Variants in EEA1 observed in about 807,000 individuals in gnomAD.
EEA1 encodes the protein early endosome antigen 1, 162kD.
In EEA1, 111 loss-of-function variants were observed where a neutral mutation model predicts 209.2. The ratio of observed to expected loss-of-function variants is 0.53; its 90% CI spans 0.45 to 0.62. EEA1 has a LOEUF of 0.62. Ranked by LOEUF, EEA1 falls within the 20% of genes least tolerant of loss-of-function variation. The pLI, the probability that EEA1 is intolerant of heterozygous loss-of-function variation, is 0.00. For synonymous variants in EEA1, 536 were observed against 540.6 expected, an observed-to-expected ratio of 0.99 and a Z score of 0.12; for missense variants, 1,343 against 1,530.8, an observed-to-expected ratio of 0.88 and a Z score of 2.05.
In EEA1 at chr12:92,842,360, AT is replaced by A. The variant is rs1321551673; in HGVS notation, c.915+104del. The stretch of plus-strand genomic sequence containing the variant: ...ACATATTAAACACTAAAAAAAAAAA[AT>A]AAGTCACATTGTACTATGCCAATAT... On this transcript the variant is annotated intron_variant, in intron 10 of 28. Transcript: ENST00000322349. The A allele has an allele frequency of 8.2e-4, 487 of 592,554 alleles. 4 individuals carry two copies. The highest frequency in any genetic ancestry group is 2.0e-3 in the Admixed American group (58 of 28,508). The allele number at this position is 592,554 out of a possible 1,614,324, so 36.7% of individuals were successfully genotyped here.
rs552422718 is a variant in EEA1 at position 92,880,314 on chromosome 12, T to C, written c.117+11315A>G. ...ATAAAAAGACAATCCAATGTTTTTG[T>C]TTTTTTTTGAGTTGTGGTCTCACTC... On this transcript the variant is annotated intron_variant, in intron 2 of 28. Transcript: ENST00000322349. Among the ~76,000 whole-genome samples, 6 of 151,102 alleles carry C rather than the reference T, an allele frequency of 4.0e-5. No individual in the cohort carries two copies. In the South Asian group the frequency reaches 1.1e-3, roughly 27 times the overall value.
chr12:92,914,665 A>ATTTTTTT (rs1275187896), intron 1 of EEA1, among the ~76,000 whole-genome samples: 2 of 141,010 alleles, frequency 1.4e-5, no homozygotes, highest in African/African-American at 5.2e-5. Flanking sequence ...TGTCTCTACA[A>ATTTTTTT]TTTTTTTTTT....
chr12:92,883,974 G>A (rs1482533677), intron 2 of EEA1: 3 of 1,423,970 alleles, frequency 2.1e-6, no homozygotes, highest in Non-Finnish European at 2.9e-6. Flanking sequence ...CTGTGGAGGA[G>A]GTGGATGCAG....
chr12:92,842,146 T>C (rs1877194843), intron 10 of EEA1, among the ~76,000 whole-genome samples: 1 of 152,114 alleles, frequency 6.6e-6, no homozygotes, highest in Non-Finnish European at 1.5e-5. Flanking sequence ...AAAAACAACA[T>C]TTTTAAAAGA....
intron 11 of EEA1, among the ~76,000 whole-genome samples, chr12:92,830,314 C>T (rs1240646112): frequency 6.6e-6 from 1 of 152,038 alleles, no homozygotes; most frequent in Admixed American, 6.6e-5. Context: ...TCGATCCTCA[C>T]CCTCCTCCCA....
chr12:92,903,326 G>A (rs756155282), intron 1 of EEA1, among the ~76,000 whole-genome samples: 5 of 151,768 alleles, frequency 3.3e-5, no homozygotes, highest in Admixed American at 1.3e-4. Flanking sequence ...AGTCGGAAGC[G>A]GTAGCTCACG....
intron 13 of EEA1, among the ~76,000 whole-genome samples, chr12:92,820,872 C>T (rs1603820): frequency 0.35 from 52,756 of 151,846 alleles, 10,797 homozygotes; most frequent in East Asian, 0.88. Context: ...TCCCTCACCC[C>T]TCACCCTGCC....
chr12:92,816,446 CA>C, intron 14 of EEA1, 46 bp from the exon 15 acceptor site: 1 of 1,553,476 alleles, frequency 6.4e-7, no homozygotes, highest in Non-Finnish European at 8.8e-7. Context: ...AATGACATAA[CA>C]AAAATTCAGA....
intron 1 of EEA1, among the ~76,000 whole-genome samples, chr12:92,898,709 C>CT (rs1038361396): frequency 5.2e-4 from 35 of 67,870 alleles, no homozygotes; most frequent in East Asian, 1.4e-3. Flanking sequence ...ACTATGTCTT[C>CT]TTTTTTTTTT....
At chr12:92,916,642 GA>G (rs1205166645) in intron 1 of EEA1, among the ~76,000 whole-genome samples, 1 of 105,046 alleles carries the variant, frequency 9.5e-6, no homozygotes, top group Non-Finnish European at 2.0e-5. Context: ...CAAAGATGGG[GA>G]AAAAACAGAA....
In EEA1 at chr12:92,773,585, G is replaced by C. The variant is rs1183630580; in HGVS notation, c.*2426C>G. The C allele has an allele frequency of 2.0e-5, 3 of 151,662 alleles. No individual in the cohort carries two copies. Among genetic ancestry groups the C allele is most frequent in the Non-Finnish European group, 3.0e-5 (2 of 67,618 alleles). The allele number at this position is 151,662 out of a possible 1,614,324, so 9.4% of individuals were successfully genotyped here. On this transcript the variant is annotated 3_prime_UTR_variant, in exon 29 of 29. Coordinates refer to ENST00000322349, the MANE Select transcript of EEA1 (RefSeq NM_003566.4). ...TAATTTTAACTCACATTCTGTGCCGGGGTTTGGAATTTACTAACATTATGT... is the reference window on the plus strand; with the variant it reads ...TAATTTTAACTCACATTCTGTGCCGCGGTTTGGAATTTACTAACATTATGT...
chr12:92,813,652 T>C (rs764317256), intron 15 of EEA1, among the ~76,000 whole-genome samples: 1 of 152,194 alleles, frequency 6.6e-6, no homozygotes, highest in Non-Finnish European at 1.5e-5. Context: ...CAAAAAGATC[T>C]ATCTTGTTAT....
intron 1 of EEA1, 126 bp downstream of exon 1, chr12:92,928,917 G>A (rs1881317334): frequency 2.1e-6 from 2 of 958,256 alleles, no homozygotes; most frequent in Non-Finnish European, 3.0e-6. Flanking sequence ...CGAGGCCTAA[G>A]CGCCTGCCGG....
At chr12:92,912,820 C>G (rs2136778442) in intron 1 of EEA1, among the ~76,000 whole-genome samples, 1 of 152,274 alleles carries the variant, frequency 6.6e-6, no homozygotes, top group Non-Finnish European at 1.5e-5. Flanking sequence ...TGAGTGATTT[C>G]ACTTAGGATA....
intron 13 of EEA1, among the ~76,000 whole-genome samples, chr12:92,825,478 G>T (rs1475649999): frequency 6.6e-6 from 1 of 150,512 alleles, no homozygotes; most frequent in Non-Finnish European, 1.5e-5. Context: ...AAAAAAGAAT[G>T]AATTAAAAAA....
rs529922663 is a variant in EEA1, at chr12:92,857,033, A to C, written c.366+242T>G. 5.9e-5 allele frequency among the ~76,000 whole-genome samples: 9 copies of C among 152,094 alleles called. No homozygotes were observed. The South Asian group carries it at 1.9e-3, about 32-fold the overall frequency. Reference sequence around the variant, plus strand: ...GCAACTCTCTCGCCTCAGCCTCCCAAAGTGCTGGGATTACAGGCGTGGGCC... The same window carrying C: ...GCAACTCTCTCGCCTCAGCCTCCCACAGTGCTGGGATTACAGGCGTGGGCC... On this transcript the variant is annotated intron_variant, in intron 5 of 28. Coordinates refer to ENST00000322349, the MANE Select transcript of EEA1 (RefSeq NM_003566.4).
chr12:92,903,499 G>A (rs1880240327), intron 1 of EEA1, among the ~76,000 whole-genome samples: 1 of 151,722 alleles, frequency 6.6e-6, no homozygotes, highest in Admixed American at 6.6e-5. Flanking sequence ...TCGAGAGGCT[G>A]AGGCAGGAGA....
chr12:92,902,525 G>A (rs1022047725), intron 1 of EEA1, among the ~76,000 whole-genome samples: 4 of 152,146 alleles, frequency 2.6e-5, no homozygotes, highest in Non-Finnish European at 5.9e-5. Flanking sequence ...GGCATAACAC[G>A]AGGTCAGGAG....
At chr12:92,921,866 C>CAAA (rs756583756) in intron 1 of EEA1, among the ~76,000 whole-genome samples, 3 of 83,444 alleles carry the variant, frequency 3.6e-5, no homozygotes, top group South Asian at 4.4e-4. Flanking sequence ...GACTCTGTCT[C>CAAA]AAAAAAAAAA....
Sources: gnomAD v4.1 joint callset for allele counts (sites outside exome capture counted in the v4.1 genomes callset) on GRCh38, gnomAD v4.1.1 for gene constraint, MANE v1.5 for transcripts, NCBI Gene and HGNC (gene_info 2026-07-23, HGNC 2026-07-21) for gene names.